Variants in LCN1 observed in about 807,000 individuals in gnomAD.
LCN1 encodes lipocalin 1.
In LCN1, 25 loss-of-function variants were observed where a neutral mutation model predicts 22.3. That is an observed-to-expected ratio of 1.12 (90% CI 0.82 to 1.56). The LOEUF (loss-of-function observed/expected upper bound fraction) is 1.56, where lower values mean the gene tolerates loss of function less well. Ranked by LOEUF, LCN1 falls within the 40% of genes most tolerant of loss-of-function variation. The pLI is 0.00. For missense variants in LCN1, 219 were observed against 235.6 expected (o/e 0.93, Z 0.46); for synonymous variants, 85 against 97.6 (o/e 0.87, Z 0.76).
At chr9:135,526,004 AC>A (rs1462251307) in intron 6 of LCN1, among the ~76,000 whole-genome samples, 1 of 62,526 alleles carries the variant, frequency 1.6e-5, no homozygotes, top group Non-Finnish European at 3.0e-5. Context: ...CCCAGTGTGT[AC>A]CCCCACCATA....
chr9:135,525,304 C>G, intron 6 of LCN1, 146 bp downstream of exon 6: 1 of 771,424 alleles, frequency 1.3e-6, no homozygotes, highest in Non-Finnish European at 2.1e-6. Flanking sequence ...GGGAGCTCTG[C>G]TCCTGAGCTG....
In LCN1 at chr9:135,523,951, G is replaced by A. The variant is rs370267016; in HGVS notation, c.364G>A (p.Glu122Lys). Residue 122 changes from glutamate to lysine, a missense_variant, in exon 4 of 7, where the codon GAG (glutamate) becomes AAG (lysine). Coordinates refer to ENST00000371781, the MANE Select transcript of LCN1 (RefSeq NM_002297.4). The part of the protein sequence containing the change: ...KDHYIFYCEG[E>K]LHGKPVRGVK... ...CCACTACATCTTTTACTGTGAGGGC[G>A]AGCTGCACGGGAAGCCGGTCCGAGG... 5.6e-5 allele frequency: 90 copies of A among 1,614,072 alleles called. 1 individual carries two copies. In the South Asian group the frequency reaches 6.1e-4, roughly 11 times the overall value.
chr9:135,525,829 G>A (rs1482285929), intron 6 of LCN1, among the ~76,000 whole-genome samples: 1 of 139,552 alleles, frequency 7.2e-6, no homozygotes, highest in Admixed American at 7.4e-5. Context: ...GTCCGTGTGT[G>A]CCCCCCACAC....
At chr9:135,524,083 A>G in intron 4 of LCN1, 93 bp downstream of exon 4, 1 of 931,238 alleles carries the variant, frequency 1.1e-6, no homozygotes, top group Non-Finnish European at 1.7e-6. Flanking sequence ...GGGAGAAGCC[A>G]CTGGGACCCA....
chr9:135,525,337 C>T (rs995451216), intron 6 of LCN1, among the ~76,000 whole-genome samples, 179 bp downstream of exon 6: 6 of 152,150 alleles, frequency 3.9e-5, no homozygotes, highest in African/African-American at 1.4e-4. Context: ...CGTCAGACTC[C>T]GTTCTTGCCC....
At chr9:135,521,655 C>G (rs1831498697) in intron 1 of LCN1, 68 bp downstream of exon 1, 1 of 1,341,882 alleles carries the variant, frequency 7.5e-7, no homozygotes, top group Admixed American at 2.1e-5. Context: ...ATGGAGACCC[C>G]ATGCCTCCTC....
At chr9:135,526,100 A>G (rs1372732456) in intron 6 of LCN1, among the ~76,000 whole-genome samples, 1 of 27,592 alleles carries the variant, frequency 3.6e-5, no homozygotes. Flanking sequence ...GAGAGCCCAC[A>G]TGTGCCCCCC....
In LCN1 at chr9:135,524,897, C is replaced by T. The variant is rs961412180; in HGVS notation, c.471C>T (p.Leu157=). 6.2e-6 allele frequency: 10 copies of T among 1,608,196 alleles called. No individual in the cohort carries two copies. In the Admixed American group the frequency reaches 1.2e-4, roughly 19 times the overall value. ...DFEKAAGARG[L]STESILIPRQ... is the part of the protein sequence containing the mutation. ...AGAAAGCCGCAGGAGCCCGCGGACT[C>T]AGCACGGAGAGCATCCTCATCCCCA... Residue 157 remains leucine, a synonymous_variant, in exon 5 of 7, where the codon CTC becomes CTT. Transcript: ENST00000371781.
Position 135,521,451 on chromosome 9 carries a change from G to A in LCN1, c.-47G>A, listed in dbSNP as rs1244874801. 1.3e-6 allele frequency: 2 copies of A among 1,541,906 alleles called. No individual in the cohort carries two copies. Among genetic ancestry groups the A allele is most frequent in the Admixed American group, 1.7e-5 (1 of 59,306 alleles). ...GGGAGGACTGGTACAGCCTCTCCCA[G>A]CCCCAGCAAGCGACCTGTCAGGCGG... On this transcript the variant is annotated 5_prime_UTR_variant, in exon 1 of 7. Coordinates refer to ENST00000371781, the MANE Select transcript of LCN1 (RefSeq NM_002297.4).
rs1025925265 is a variant in LCN1 at position 135,523,217 on chromosome 9, G to A, written c.222-15G>A. ...CAGGCCAGGGCCGCTTTGCCAGGGG[G>A]CTTCTGTTTTCCAGGATAAGTGGCC... is the stretch of plus-strand genomic sequence containing the variant. On this transcript the variant is annotated splice_polypyrimidine_tract_variant and intron_variant, in intron 2 of 6. Transcript: ENST00000371781. The A allele has an allele frequency of 6.2e-7, 1 of 1,610,454 alleles. No homozygotes were observed. Among genetic ancestry groups the A allele is most frequent in the Admixed American group, 1.7e-5 (1 of 59,824 alleles).
At position 135,524,879 on chromosome 9, in the gene LCN1, C is replaced by A. The variant is rs745689334; in HGVS notation, c.453C>A (p.Ala151=). 8 of 1,608,068 alleles carry A rather than the reference C, an allele frequency of 5.0e-6. No homozygotes were observed. The highest frequency in any genetic ancestry group is 1.7e-4 in the Middle Eastern group (1 of 5,960). ...NLEALEDFEK[A]AGARGLSTES... is the part of the protein sequence containing the mutation. ...AAGCCTTGGAGGACTTTGAGAAAGC[C>A]GCAGGAGCCCGCGGACTCAGCACGG... Residue 151 remains alanine (A), a synonymous_variant, in exon 5 of 7, where the codon GCC becomes GCA. Coordinates refer to ENST00000371781, the MANE Select transcript of LCN1 (RefSeq NM_002297.4).
intron 6 of LCN1, among the ~76,000 whole-genome samples, chr9:135,525,785 T>G (rs1831626388): frequency 6.6e-6 from 1 of 151,750 alleles, no homozygotes. Flanking sequence ...CGCTCCAATC[T>G]AGAGGCTGGA....
chr9:135,522,072 C>T lies in LCN1; in HGVS notation c.116C>T (p.Ala39Val), dbSNP rs1243768986. 5 of 1,592,742 alleles carry T rather than the reference C, an allele frequency of 3.1e-6. No individual in the cohort carries two copies. The highest frequency in any genetic ancestry group is 3.4e-6 in the Non-Finnish European group (4 of 1,169,910). ...GTGTCAGGGACGTGGTATCTGAAGG[C>T]CATGACGGTGGACAGGGAGTTCCCT... ...QDVSGTWYLK[A>V]MTVDREFPEM... The change falls in exon 2 of 7, where the codon GCC (alanine) becomes GTC (valine). Residue 39 changes from alanine to valine, a missense_variant. By Grantham distance (64) the Ala-to-Val change is moderately conservative. Coordinates refer to ENST00000371781, the MANE Select transcript of LCN1 (RefSeq NM_002297.4).
intron 6 of LCN1, among the ~76,000 whole-genome samples, chr9:135,525,873 A>C (rs1449836941): frequency 1.0e-5 from 1 of 98,108 alleles, no homozygotes; most frequent in African/African-American, 4.1e-5. Flanking sequence ...TGCCCACCAC[A>C]CCATAGCCCC....
At position 135,524,929 on chromosome 9, in the gene LCN1, G is replaced by C; in HGVS notation, c.503G>C (p.Ser168Thr). ...GAGAGCATCCTCATCCCCAGGCAGA[G>C]CGGTAGGAGGCATGGCCCTGCAGAG... is the stretch of plus-strand genomic sequence containing the variant. ...STESILIPRQ[S>T]ETCSPGSD The change falls in exon 5 of 7, where the codon AGC becomes ACC. Residue 168 changes from serine (S) to threonine (T), a missense_variant and splice_region_variant. Coordinates refer to ENST00000371781, the MANE Select transcript of LCN1 (RefSeq NM_002297.4). The C allele has an allele frequency of 1.2e-6, 2 of 1,604,880 alleles. No homozygotes were observed. Among genetic ancestry groups the C allele is most frequent in the Non-Finnish European group, 1.7e-6 (2 of 1,176,086 alleles).
At chr9:135,524,599 A>G (rs1190710008) in intron 4 of LCN1, among the ~76,000 whole-genome samples, 2 of 152,240 alleles carry the variant, frequency 1.3e-5, no homozygotes, top group South Asian at 2.1e-4. Flanking sequence ...GGAGATGCTC[A>G]GGGATGGATG....
chr9:135,523,312 G>A lies in LCN1; in HGVS notation c.292+10G>A, dbSNP rs369513064. The A allele has an allele frequency of 1.7e-5, 27 of 1,610,212 alleles. No homozygotes were observed. Among genetic ancestry groups the A allele is most frequent in the South Asian group, 1.1e-4 (10 of 90,376 alleles). On this transcript the variant is annotated intron_variant, in intron 3 of 6. Coordinates refer to ENST00000371781, the MANE Select transcript of LCN1 (RefSeq NM_002297.4). ...GGAAAATACACGGCCGGTGAGTCCC[G>A]GGGCCTGAGCCAGAGCCTGAGCTTG...
In LCN1 at chr9:135,525,138, G is replaced by C. The variant is rs747453759; in HGVS notation, c.512G>C (p.Cys171Ser). ...SILIPRQSETCSPGSD is the reference protein window; with the variant it reads ...SILIPRQSETSSPGSD ...GTGCTTCCTTTTCCTGCAGAAACCT[G>C]CTCTCCAGGGAGCGATTAGGGTGAG... Residue 171 changes from cysteine (C) to serine (S), a missense_variant, in exon 6 of 7, where the codon TGC (cysteine) becomes TCC (serine). Coordinates refer to ENST00000371781, the MANE Select transcript of LCN1 (RefSeq NM_002297.4). The C allele has an allele frequency of 6.2e-7, 1 of 1,613,548 alleles. No homozygotes were observed. Among genetic ancestry groups the C allele is most frequent in the Non-Finnish European group, 8.5e-7 (1 of 1,179,762 alleles).
chr9:135,523,078 G>A (rs1413576401), intron 2 of LCN1, among the ~76,000 whole-genome samples, 154 bp from the exon 3 acceptor site: 2 of 152,212 alleles, frequency 1.3e-5, no homozygotes, highest in African/African-American at 2.4e-5. Context: ...CGGAGGGGCC[G>A]CTGGTGCCTG....
Sources: gnomAD v4.1 joint callset for allele counts (sites outside exome capture counted in the v4.1 genomes callset) on GRCh38, gnomAD v4.1.1 for gene constraint, MANE v1.5 for transcripts, NCBI Gene and HGNC (gene_info 2026-07-23, HGNC 2026-07-21) for gene names.